The following MAP2 variants were observed in gnomAD, a reference collection of about 807,000 sequenced individuals.
The protein encoded by MAP2 is microtubule-associated protein 2.
A neutral mutation model predicts 137.6 loss-of-function variants in MAP2; 14 were observed. That is an observed-to-expected ratio of 0.10 (90% CI 0.07 to 0.16). The LOEUF (loss-of-function observed/expected upper bound fraction) is 0.16, where lower values mean the gene tolerates loss of function less well. Ranked by LOEUF, MAP2 falls within the 10% of genes least tolerant of loss-of-function variation. MAP2 has a pLI of 1.00. For synonymous variants in MAP2, 786 were observed against 782.3 expected, an observed-to-expected ratio of 1.00 and a Z score of -0.08; for missense variants, 2,088 against 2,191.5, an observed-to-expected ratio of 0.95 and a Z score of 0.94.
chr2:209,716,087 C>G (rs2067472930), intron 13 of MAP2, among the ~76,000 whole-genome samples: 1 of 152,132 alleles, frequency 6.6e-6, no homozygotes, highest in African/African-American at 2.4e-5. Flanking sequence ...TTTGGTTTCC[C>G]TACATCTGTT....
At chr2:209,504,955 C>T (rs952118792) in intron 1 of MAP2, among the ~76,000 whole-genome samples, 3 of 152,184 alleles carry the variant, frequency 2.0e-5, no homozygotes, top group African/African-American at 7.2e-5. Context: ...AACCCAGCCA[C>T]ACATACACAG....
At chr2:209,610,643 C>A (rs908533113) in intron 3 of MAP2, among the ~76,000 whole-genome samples, 1 of 152,018 alleles carries the variant, frequency 6.6e-6, no homozygotes, top group South Asian at 2.1e-4. Context: ...TATTAGAATT[C>A]TCCAATTCAA....
At chr2:209,506,716 A>T (rs1350091850) in intron 1 of MAP2, among the ~76,000 whole-genome samples, 1 of 152,130 alleles carries the variant, frequency 6.6e-6, no homozygotes, top group Admixed American at 6.6e-5. Flanking sequence ...GGTGCAAGAG[A>T]CCACTGGAAA....
At chr2:209,564,152 G>T (rs974287908) in intron 2 of MAP2, among the ~76,000 whole-genome samples, 1 of 152,104 alleles carries the variant, frequency 6.6e-6, no homozygotes, top group Non-Finnish European at 1.5e-5. Flanking sequence ...AAAGGAAAAT[G>T]AATAGAAAAA....
chr2:209,441,878 G>A (rs1056937786), intron 1 of MAP2, among the ~76,000 whole-genome samples: 1 of 151,520 alleles, frequency 6.6e-6, no homozygotes, highest in Non-Finnish European at 1.5e-5. Flanking sequence ...GACTGTAAAT[G>A]GAACTACAGT....
chr2:209,503,023 C>G (rs534436033), intron 1 of MAP2, among the ~76,000 whole-genome samples: 211 of 129,330 alleles, frequency 1.6e-3, no homozygotes, highest in African/African-American at 5.9e-3. Flanking sequence ...TTTTCTGAGA[C>G]AGGGTCTCAT....
intron 6 of MAP2, 83 bp downstream of exon 6, chr2:209,678,768 C>T: frequency 1.4e-6 from 1 of 705,972 alleles, no homozygotes; most frequent in South Asian, 2.3e-5. Context: ...AAAAGATAGG[C>T]CATATCTTGT....
At chr2:209,426,693 T>G (rs951170413) in intron 1 of MAP2, among the ~76,000 whole-genome samples, 4 of 152,196 alleles carry the variant, frequency 2.6e-5, no homozygotes, top group African/African-American at 9.7e-5. Flanking sequence ...TCTCTTCCCA[T>G]AGCAGCCTTT....
intron 7 of MAP2, chr2:209,690,829 C>G (rs2058645240): frequency 7.8e-7 from 1 of 1,284,864 alleles, no homozygotes; most frequent in African/African-American, 1.5e-5. Context: ...AAGTAAAAAC[C>G]CCTTCCTCTG....
At chr2:209,527,983 A>G (rs1305481924) in intron 2 of MAP2, among the ~76,000 whole-genome samples, 4 of 152,174 alleles carry the variant, frequency 2.6e-5, no homozygotes, top group African/African-American at 9.7e-5. Flanking sequence ...GATTCATATT[A>G]TACGAAGTTC....
intron 11 of MAP2, among the ~76,000 whole-genome samples, chr2:209,702,823 G>A (rs760704872): frequency 5.3e-5 from 8 of 152,032 alleles, no homozygotes; most frequent in Admixed American, 2.0e-4. Flanking sequence ...GATTTGTACA[G>A]TCTGTAAATA....
chr2:209,622,000 A>G (rs761243220), intron 3 of MAP2, among the ~76,000 whole-genome samples: 1 of 152,236 alleles, frequency 6.6e-6, no homozygotes, highest in Non-Finnish European at 1.5e-5. Flanking sequence ...TGTGCAGTGT[A>G]CATCCTATTC....
chr2:209,505,731 A>G (rs768123647), intron 1 of MAP2, among the ~76,000 whole-genome samples: 2 of 149,028 alleles, frequency 1.3e-5, no homozygotes, highest in African/African-American at 2.6e-5. Context: ...CAGCACTTTG[A>G]GAGGCCAAGG....
At chr2:209,454,678 TAA>T (rs1044799347) in intron 1 of MAP2, among the ~76,000 whole-genome samples, 16 of 152,204 alleles carry the variant, frequency 1.1e-4, no homozygotes, top group African/African-American at 3.9e-4. Context: ...CATAGCAAAC[TAA>T]AAGAGTCTTT....
At chr2:209,713,430 T>A (rs1276275454) in intron 13 of MAP2, among the ~76,000 whole-genome samples, 1 of 152,198 alleles carries the variant, frequency 6.6e-6, no homozygotes, top group Non-Finnish European at 1.5e-5. Flanking sequence ...ATAGATAAGC[T>A]AGCTGAAGAT....
chr2:209,617,321 G>A (rs1195403703), intron 3 of MAP2, among the ~76,000 whole-genome samples: 1 of 152,084 alleles, frequency 6.6e-6, no homozygotes, highest in Non-Finnish European at 1.5e-5. Flanking sequence ...GGGGGTTATG[G>A]GTGAAAAATT....
chr2:209,511,227 A>C (rs1214234395), intron 2 of MAP2, among the ~76,000 whole-genome samples: 11 of 152,154 alleles, frequency 7.2e-5, no homozygotes, highest in Non-Finnish European at 1.5e-4. Flanking sequence ...AAAATATTGG[A>C]TATAACTTGT....
chr2:209,505,151 G>A (rs2060880956), intron 1 of MAP2, among the ~76,000 whole-genome samples: 1 of 151,944 alleles, frequency 6.6e-6, no homozygotes, highest in African/African-American at 2.4e-5. Flanking sequence ...TGTGCTTAAC[G>A]GGAATGTTCC....
chr2:209,546,060 G>A lies in MAP2; in HGVS notation c.-171-33976G>A, dbSNP rs536158236. ...TGGGAGGCTGAGGCAGGAGAATGGC[G>A]TGAACCCGGGAGGCAGAGGTTGCGG... On this transcript the variant is annotated intron_variant, in intron 2 of 15. Coordinates refer to ENST00000682079, the MANE Select transcript of MAP2 (RefSeq NM_001375505.1). 7.2e-5 allele frequency among the ~76,000 whole-genome samples: 11 copies of A among 152,208 alleles called. No homozygotes were observed. The South Asian group carries it at 8.3e-4, about 11-fold the overall frequency.
Sources: gnomAD v4.1 joint callset for allele counts (sites outside exome capture counted in the v4.1 genomes callset) on GRCh38, gnomAD v4.1.1 for gene constraint, MANE v1.5 for transcripts, NCBI Gene and HGNC (gene_info 2026-07-23, HGNC 2026-07-21) for gene names.